Variants in ATXN7 observed in about 807,000 individuals in gnomAD.
ATXN7 encodes ataxin 7.
In ATXN7, 12 loss-of-function variants were observed where a neutral mutation model predicts 70.5. That is an observed-to-expected ratio of 0.17 (90% CI 0.11 to 0.28). The LOEUF (loss-of-function observed/expected upper bound fraction) is 0.28, where lower values mean the gene tolerates loss of function less well. Among genes scored for constraint, ATXN7 ranks in the 10% least tolerant of loss-of-function variants. The probability of loss-of-function intolerance (pLI) is 1.00; values close to 1 mark genes in which losing one functional copy is unlikely to be tolerated. For synonymous variants in ATXN7, 498 were observed against 448.7 expected (o/e 1.11, Z -1.39); for missense variants, 1,256 against 1,131.7 (o/e 1.11, Z -1.58).
intron 4 of ATXN7, among the ~76,000 whole-genome samples, chr3:63,937,778 T>C (rs896023769): frequency 6.6e-6 from 1 of 152,178 alleles, no homozygotes; most frequent in East Asian, 1.9e-4. Flanking sequence ...TTTTAACCTT[T>C]AACACTAGCC....
intron 4 of ATXN7, among the ~76,000 whole-genome samples, chr3:63,948,148 G>A (rs2074894843): frequency 6.6e-6 from 1 of 152,152 alleles, no homozygotes; most frequent in African/African-American, 2.4e-5. Context: ...GGGTGCTGGT[G>A]GCAGGCCCAA....
At chr3:63,959,178 T>A (rs1193933887) in intron 5 of ATXN7, among the ~76,000 whole-genome samples, 2 of 152,214 alleles carry the variant, frequency 1.3e-5, no homozygotes, top group Non-Finnish European at 2.9e-5. Flanking sequence ...AAAGCCAAAC[T>A]CCTCCTCTTT....
intron 2 of ATXN7, among the ~76,000 whole-genome samples, chr3:63,906,326 G>A (rs889047944): frequency 2.0e-5 from 3 of 152,244 alleles, no homozygotes; most frequent in Non-Finnish European, 2.9e-5. Flanking sequence ...CTGAGGAAAG[G>A]AGGAAGAAGC....
Position 63,962,444 on chromosome 3 carries a change from G to A in ATXN7, c.499+9961G>A, listed in dbSNP as rs181216126. Among the ~76,000 whole-genome samples, 598 of 151,920 alleles carry A rather than the reference G, an allele frequency of 3.9e-3. 1 individual carries two copies. Among genetic ancestry groups the A allele is most frequent in the Non-Finnish European group, 6.0e-3 (410 of 67,964 alleles). ...TTTTGAGACAGAGTCCCACTGTCTC[G>A]CTCAGGATGGAGTACAGTGGTGCAA... is the stretch of plus-strand genomic sequence containing the variant. On this transcript the variant is annotated intron_variant, in intron 5 of 12. Coordinates refer to ENST00000674280, the MANE Select transcript of ATXN7 (RefSeq NM_001377405.1).
At chr3:63,941,144 A>G (rs2074758700) in intron 4 of ATXN7, among the ~76,000 whole-genome samples, 4 of 152,312 alleles carry the variant, frequency 2.6e-5, no homozygotes, top group Non-Finnish European at 5.9e-5. Flanking sequence ...CTTACCTGTT[A>G]GGGGTCACTA....
At chr3:63,863,650 C>T, upstream of ATXN7, 1 of 1,215,606 alleles carries the variant, frequency 8.2e-7, no homozygotes, top group Non-Finnish European at 1.0e-6. Flanking sequence ...AAGGCCGAAG[C>T]GCTCTGGCGA....
chr3:63,917,474 G>A (rs1376188817), intron 4 of ATXN7, among the ~76,000 whole-genome samples: 1 of 152,132 alleles, frequency 6.6e-6, no homozygotes, highest in South Asian at 2.1e-4. Flanking sequence ...AACTTTAAAT[G>A]CCTTAGTTGC....
chr3:63,965,890 T>TA (rs1194018448), intron 5 of ATXN7, among the ~76,000 whole-genome samples: 2 of 152,236 alleles, frequency 1.3e-5, no homozygotes, highest in Non-Finnish European at 2.9e-5. Context: ...TTTCCTGGCA[T>TA]ACACGACCAT....
intron 1 of ATXN7, among the ~76,000 whole-genome samples, chr3:63,889,702 A>G (rs1043786537): frequency 3.3e-5 from 5 of 152,218 alleles, no homozygotes; most frequent in African/African-American, 1.2e-4. Context: ...GCAAATAGAA[A>G]GTGAATCCCA....
intron 2 of ATXN7, among the ~76,000 whole-genome samples, chr3:63,908,664 A>G (rs1409531413): frequency 6.6e-6 from 1 of 152,110 alleles, no homozygotes; most frequent in Non-Finnish European, 1.5e-5. Flanking sequence ...TGTATCTTAG[A>G]AATGTTTTGG....
At chr3:63,899,250 T>C (rs1486304461) in intron 2 of ATXN7, among the ~76,000 whole-genome samples, 4 of 151,926 alleles carry the variant, frequency 2.6e-5, no homozygotes, top group Non-Finnish European at 5.9e-5. Flanking sequence ...TTAGTAGAGA[T>C]GGAGTTTTGC....
At chr3:63,863,699 G>A (rs1166060296), upstream of ATXN7, 2 of 1,241,920 alleles carry the variant, frequency 1.6e-6, no homozygotes, top group Non-Finnish European at 2.0e-6. Flanking sequence ...GAAGCGGGCC[G>A]GGAGGCCAGG....
chr3:63,974,966 G>C (rs1189304645), intron 5 of ATXN7, among the ~76,000 whole-genome samples: 4 of 152,196 alleles, frequency 2.6e-5, no homozygotes, highest in Non-Finnish European at 5.9e-5. Flanking sequence ...GTGAACTGAG[G>C]TAGATGGTAG....
intron 1 of ATXN7, among the ~76,000 whole-genome samples, chr3:63,887,843 G>T (rs183178341): frequency 6.6e-6 from 1 of 150,426 alleles, no homozygotes; most frequent in Admixed American, 6.6e-5. Flanking sequence ...GAAGTGCTGG[G>T]ATTACAGATG....
At chr3:63,972,040 A>T (rs1031930945) in intron 5 of ATXN7, among the ~76,000 whole-genome samples, 1 of 152,220 alleles carries the variant, frequency 6.6e-6, no homozygotes, top group Admixed American at 6.5e-5. Context: ...CATGATGCCA[A>T]TTGACACCTC....
At chr3:63,912,409 T>A (rs1704061114) in intron 2 of ATXN7, among the ~76,000 whole-genome samples, 179 bp from the exon 3 acceptor site, 1 of 150,396 alleles carries the variant, frequency 6.6e-6, no homozygotes, top group African/African-American at 2.4e-5. Flanking sequence ...CCGCGGACTT[T>A]GAGCCCGGGG....
At position 63,982,438 on chromosome 3, in the gene ATXN7, A is replaced by G; in HGVS notation, c.1005A>G (p.Arg335=). ...ATAATAGGAAATTTTTAAATAAGAG[A>G]TTATCAGGTAACTTCAAATTTTCTT... The part of the protein sequence containing the change: ...NSNNRKFLNK[R]LSEREFDPDI... The change falls in exon 7 of 13, where the codon AGA becomes AGG. Residue 335 remains arginine (R), a synonymous_variant. Coordinates refer to ENST00000674280, the MANE Select transcript of ATXN7 (RefSeq NM_001377405.1). 3 of 1,601,206 alleles carry G rather than the reference A, an allele frequency of 1.9e-6. No homozygotes were observed. Among genetic ancestry groups the G allele is most frequent in the Non-Finnish European group, 2.6e-6 (3 of 1,170,890 alleles).
rs561248281 is a variant in ATXN7 at position 63,873,037 on chromosome 3, A to G, written c.-111+8879A>G. On this transcript the variant is annotated intron_variant, in intron 1 of 12. Transcript: ENST00000674280. ...AGAGGAAGGGTGGGAAGTGGGAGGA[A>G]GCGTAGTTTTTAAAATCTCAAAATC... 2.0e-5 allele frequency among the ~76,000 whole-genome samples: 3 copies of G among 152,198 alleles called. No homozygotes were observed. The South Asian group carries it at 6.2e-4, about 32-fold the overall frequency.
At position 63,912,888 on chromosome 3, in the gene ATXN7, T is replaced by C; in HGVS notation, c.290T>C (p.Leu97Pro). The C allele has an allele frequency of 6.2e-7, 1 of 1,613,280 alleles. No homozygotes were observed. The highest frequency in any genetic ancestry group is 1.1e-5 in the South Asian group (1 of 91,074). The change falls in exon 3 of 13, where the codon CTG becomes CCG. Residue 97 changes from leucine to proline, a missense_variant. By Grantham distance (98) the Leu-to-Pro change is moderately conservative (BLOSUM62 -3). Coordinates refer to ENST00000674280, the MANE Select transcript of ATXN7 (RefSeq NM_001377405.1). ...PEVMLGQSWN[L>P]WVEASKLPGK... ...GTGATGCTGGGACAGTCGTGGAATC[T>C]GTGGGTTGAGGCTTCCAAACTTCCT... is the stretch of plus-strand genomic sequence containing the variant.
Sources: gnomAD v4.1 joint callset for allele counts (sites outside exome capture counted in the v4.1 genomes callset) on GRCh38, gnomAD v4.1.1 for gene constraint, MANE v1.5 for transcripts, NCBI Gene and HGNC (gene_info 2026-07-23, HGNC 2026-07-21) for gene names.